SAMD4B: variants seen among roughly 807,000 people sequenced by gnomAD.
SAMD4B encodes the protein protein Smaug homolog 2.
Under a neutral mutation model 74.5 loss-of-function variants are expected in SAMD4B, and 5 were observed. That is an observed-to-expected ratio of 0.07 (90% CI 0.04 to 0.14). The LOEUF is 0.14. Among genes scored for constraint, SAMD4B ranks in the 10% least tolerant of loss-of-function variants. SAMD4B has a pLI of 1.00. For synonymous variants in SAMD4B, 373 were observed against 374.9 expected, an observed-to-expected ratio of 1.00 and a Z score of 0.06; for missense variants, 608 against 921.8, an observed-to-expected ratio of 0.66 and a Z score of 4.41.
Position 39,356,806 on chromosome 19 carries a change from A to T in SAMD4B, c.-88A>T. 1 of 1,141,396 alleles carries T rather than the reference A, an allele frequency of 8.8e-7. No homozygotes were observed. Among genetic ancestry groups the T allele is most frequent in the Non-Finnish European group, 1.2e-6 (1 of 816,596 alleles). 70.7% of individuals were successfully genotyped at this position (1,141,396 alleles called of 1,614,324 possible). The stretch of plus-strand genomic sequence containing the variant: ...TCCTTAAGCCCTGGCCCTCAGGGGA[A>T]AGGTAACAGGAGGCCAGAGCCGGGA... On this transcript the variant is annotated 5_prime_UTR_variant, in exon 3 of 14. Coordinates refer to ENST00000610417, the MANE Select transcript of SAMD4B (RefSeq NM_001384574.2).
intron 4 of SAMD4B, among the ~76,000 whole-genome samples, chr19:39,371,733 C>A (rs2077311737): frequency 6.6e-6 from 1 of 151,634 alleles, no homozygotes; most frequent in African/African-American, 2.4e-5. Context: ...AGGAAGGTCG[C>A]TTGAACCCAG....
rs1184278350 is a variant in SAMD4B at position 39,383,758 on chromosome 19, T to TAA, written c.*233_*234dup. On this transcript the variant is annotated 3_prime_UTR_variant, in exon 14 of 14. Transcript: ENST00000610417. This position sits in a 1 kb window ranked among gnomAD's most constrained non-coding sequence, Gnocchi z 4.1. ...CCCGGGGAGTTGGGGGCAGCCAGGATAAAGGGGGCAGGGACTGGCCAGACT... is the reference window on the plus strand; with the variant it reads ...CCCGGGGAGTTGGGGGCAGCCAGGATAAAAAGGGGGCAGGGACTGGCCAGACT... 3 of 1,511,218 alleles carry TAA rather than the reference T, an allele frequency of 2.0e-6. No individual in the cohort carries two copies. Among genetic ancestry groups the TAA allele is most frequent in the Non-Finnish European group, 2.7e-6 (3 of 1,125,478 alleles). The allele number at this position is 1,511,218 out of a possible 1,614,324, so 93.6% of individuals were successfully genotyped here. A position where few individuals can be genotyped will look rare whatever the true frequency, so the allele number is the denominator to read the frequency against.
intron 3 of SAMD4B, among the ~76,000 whole-genome samples, chr19:39,364,081 C>T (rs2076810608): frequency 6.6e-6 from 1 of 152,232 alleles, no homozygotes; most frequent in African/African-American, 2.4e-5. Context: ...ACACATTTCC[C>T]CAGAATCAGC....
chr19:39,390,038 C>T (rs765314769), downstream of SAMD4B: 10 of 1,540,940 alleles, frequency 6.5e-6, 1 homozygote, highest in South Asian at 2.2e-5. Context: ...GGAACTCATA[C>T]CTGAGTAGTT....
Position 39,383,152 on chromosome 19 carries a change from T to A in SAMD4B, c.1973-56T>A. ...CCAGCATCCTTTGTCATCCCAGCTG[T>A]CTTCACCTGAGTCCAGTTGGTCCTT... On this transcript the variant is annotated intron_variant, in intron 12 of 13. Coordinates refer to ENST00000610417, the MANE Select transcript of SAMD4B (RefSeq NM_001384574.2). This position sits in a 1 kb window ranked among gnomAD's most constrained non-coding sequence, Gnocchi z 4.1. 1 of 1,379,612 alleles carries A rather than the reference T, an allele frequency of 7.2e-7. No individual in the cohort carries two copies. The highest frequency in any genetic ancestry group is 1.0e-6 in the Non-Finnish European group (1 of 965,988). The allele number at this position is 1,379,612 out of a possible 1,614,324, so 85.5% of individuals were successfully genotyped here.
intron 3 of SAMD4B, among the ~76,000 whole-genome samples, chr19:39,362,129 CAGAT>C (rs1177046630): frequency 2.0e-5 from 3 of 152,156 alleles, no homozygotes; most frequent in East Asian, 1.9e-4. Flanking sequence ...GCTTCCTGCT[CAGAT>C]AGATCAGGTA....
In SAMD4B at chr19:39,378,500, C is replaced by A. The variant is rs190574104; in HGVS notation, c.1445-4C>A. ...ACCTCCTGCCCTTTCTCATGTCCCC[C>A]CAGTGTGCACCCAACTGCTGGTGTC... On this transcript the variant is annotated splice_region_variant and splice_polypyrimidine_tract_variant and intron_variant, in intron 8 of 13. Transcript: ENST00000610417. This position sits in a 1 kb window ranked among gnomAD's most constrained non-coding sequence, Gnocchi z 4.4. 1.7e-3 allele frequency: 2,753 copies of A among 1,613,778 alleles called. 6 individuals are homozygous for A. The highest frequency in any genetic ancestry group is 2.0e-3 in the Non-Finnish European group (2,304 of 1,179,832).
rs1186921390 is a variant in SAMD4B, at chr19:39,342,510, G to A, written c.-333G>A. On this transcript the variant is annotated 5_prime_UTR_variant, in exon 1 of 14. Transcript: ENST00000610417. ...GGAGGGGAGCTTGCGGGCCCGAGAG[G>A]GGGCGACGGCGGCGGCGGTGGCCTG... 1.7e-5 allele frequency: 3 copies of A among 174,174 alleles called. No individual in the cohort carries two copies. In the Admixed American group the frequency reaches 1.9e-4, roughly 11 times the overall value. 10.8% of individuals were successfully genotyped at this position (174,174 alleles called of 1,614,324 possible). A position where few individuals can be genotyped will look rare whatever the true frequency, so the allele number is the denominator to read the frequency against.
intron 1 of SAMD4B, among the ~76,000 whole-genome samples, chr19:39,349,366 T>G (rs539151356): frequency 6.6e-6 from 1 of 152,232 alleles, no homozygotes; most frequent in African/African-American, 2.4e-5. Flanking sequence ...TCAAGACATT[T>G]AGGAGTGGGA....
At chr19:39,374,648 T>C (rs1268748116) in intron 4 of SAMD4B, among the ~76,000 whole-genome samples, 1 of 152,094 alleles carries the variant, frequency 6.6e-6, no homozygotes, top group African/African-American at 2.4e-5. Flanking sequence ...GAGACCATCC[T>C]GGCCAATGTG....
At chr19:39,347,898 C>G (rs2075796386) in intron 1 of SAMD4B, among the ~76,000 whole-genome samples, 1 of 151,964 alleles carries the variant, frequency 6.6e-6, no homozygotes, top group Non-Finnish European at 1.5e-5. Flanking sequence ...CATTCAAGGT[C>G]CTGAAATTCA....
chr19:39,383,308 T>C lies in SAMD4B; in HGVS notation c.2056+17T>C. On this transcript the variant is annotated intron_variant, in intron 13 of 13. Transcript: ENST00000610417. The surrounding 1 kb of genome is among the most constrained non-coding windows in gnomAD (Gnocchi z 4.1). Reference sequence around the variant, plus strand: ...CCTTGGGTGGTGAGCATTTCCTCTTTCCCTGACCCAGCTCCCACCTACCCA... The same window carrying C: ...CCTTGGGTGGTGAGCATTTCCTCTTCCCCTGACCCAGCTCCCACCTACCCA... 1.2e-6 allele frequency: 2 copies of C among 1,612,814 alleles called. No homozygotes were observed. The highest frequency in any genetic ancestry group is 8.5e-7 in the Non-Finnish European group (1 of 1,178,866).
At chr19:39,371,597 A>G (rs2077300740) in intron 4 of SAMD4B, among the ~76,000 whole-genome samples, 1 of 152,172 alleles carries the variant, frequency 6.6e-6, no homozygotes, top group Non-Finnish European at 1.5e-5. Flanking sequence ...CAGGCAGATC[A>G]CCTGAGGTCA....
At chr19:39,372,664 A>AC (rs755202174) in intron 4 of SAMD4B, among the ~76,000 whole-genome samples, 14 of 152,010 alleles carry the variant, frequency 9.2e-5, no homozygotes, top group Non-Finnish European at 1.8e-4. Context: ...GCCAGCCTCC[A>AC]CCCCAGTGCG....
At chr19:39,349,404 C>G (rs1373002649) in intron 1 of SAMD4B, among the ~76,000 whole-genome samples, 1 of 152,104 alleles carries the variant, frequency 6.6e-6, no homozygotes, top group African/African-American at 2.4e-5. Flanking sequence ...CTCTCTATTC[C>G]AGAGTTTACC....
Position 39,377,808 on chromosome 19 carries a change from A to G in SAMD4B, c.1428A>G (p.Thr476=). ...VADGDIPSQF[T]RVMGKVCTQL... Reference sequence around the variant, plus strand: ...ACGGAGACATCCCCAGCCAGTTTACACGGGTGATGGGCAAAGGTGAGACCA... The same window carrying G: ...ACGGAGACATCCCCAGCCAGTTTACGCGGGTGATGGGCAAAGGTGAGACCA... Residue 476 remains threonine, a synonymous_variant, in exon 8 of 14, where the codon ACA becomes ACG. Transcript: ENST00000610417. 1.2e-6 allele frequency: 2 copies of G among 1,600,498 alleles called. No individual in the cohort carries two copies. Among genetic ancestry groups the G allele is most frequent in the Non-Finnish European group, 1.7e-6 (2 of 1,171,368 alleles).
intron 3 of SAMD4B, among the ~76,000 whole-genome samples, chr19:39,361,641 C>A (rs545097775): frequency 7.5e-6 from 1 of 133,684 alleles, no homozygotes; most frequent in East Asian, 2.3e-4. Context: ...CCTGTCTTCC[C>A]GGCCGGGCGC....
At chr19:39,390,405 G>T, downstream of SAMD4B, 1 of 987,756 alleles carries the variant, frequency 1.0e-6, no homozygotes, top group South Asian at 1.4e-5. Context: ...GGTTTCTTTG[G>T]GTGGTGGTGT....
At position 39,383,745 on chromosome 19, in the gene SAMD4B, G is replaced by A. The variant is rs1342286158; in HGVS notation, c.*218G>A. 5 of 1,527,156 alleles carry A rather than the reference G, an allele frequency of 3.3e-6. No individual in the cohort carries two copies. Among genetic ancestry groups the A allele is most frequent in the African/African-American group, 2.7e-5 (2 of 72,792 alleles). 94.6% of individuals were successfully genotyped at this position (1,527,156 alleles called of 1,614,324 possible). ...ATCTCTGCTGAGGCCCGGGGAGTTGGGGGCAGCCAGGATAAAGGGGGCAGG... is the reference window on the plus strand; with the variant it reads ...ATCTCTGCTGAGGCCCGGGGAGTTGAGGGCAGCCAGGATAAAGGGGGCAGG... On this transcript the variant is annotated 3_prime_UTR_variant, in exon 14 of 14. Transcript: ENST00000610417. This position sits in a 1 kb window ranked among gnomAD's most constrained non-coding sequence, Gnocchi z 4.1.
Sources: gnomAD v4.1 joint callset for allele counts (sites outside exome capture counted in the v4.1 genomes callset) on GRCh38, gnomAD v4.1.1 for gene constraint, Gnocchi (gnomAD v3.1) non-coding constraint, MANE v1.5 for transcripts, NCBI Gene and HGNC (gene_info 2026-07-23, HGNC 2026-07-21) for gene names.